KIF13A: variants seen among roughly 807,000 people sequenced by gnomAD.
KIF13A encodes the protein kinesin family member 13A, also known as kinesin-like protein KIF13A.
In KIF13A, 79 loss-of-function variants were observed where a neutral mutation model predicts 212.2. The ratio of observed to expected loss-of-function variants is 0.37; its 90% CI spans 0.31 to 0.45. KIF13A has a LOEUF of 0.45. Among genes scored for constraint, KIF13A ranks in the 20% least tolerant of loss-of-function variants. The pLI, the probability that KIF13A is intolerant of heterozygous loss-of-function variation, is 1.00. For synonymous variants in KIF13A, 789 were observed against 808.6 expected, an observed-to-expected ratio of 0.98 and a Z score of 0.41; for missense variants, 1,901 against 2,209.0, an observed-to-expected ratio of 0.86 and a Z score of 2.79.
chr6:17,898,038 T>C lies in KIF13A; in HGVS notation c.159+130A>G, dbSNP rs1329069071. The stretch of plus-strand genomic sequence containing the variant: ...TAACACTGATATTAATTGTTCATGA[T>C]GTGAGTTTTAAATTAGGATGCTGTT... On this transcript the variant is annotated intron_variant, in intron 3 of 38. Coordinates refer to ENST00000259711, the MANE Select transcript of KIF13A (RefSeq NM_022113.6). This position sits in a 1 kb window ranked among gnomAD's most constrained non-coding sequence, Gnocchi z 5.2. 2.7e-6 allele frequency: 2 copies of C among 752,282 alleles called. No individual in the cohort carries two copies. Among genetic ancestry groups the C allele is most frequent in the African/African-American group, 1.8e-5 (1 of 56,602 alleles). 46.6% of individuals were successfully genotyped at this position (752,282 alleles called of 1,614,324 possible). A position where few individuals can be genotyped will look rare whatever the true frequency, so the allele number is the denominator to read the frequency against.
intron 2 of KIF13A, among the ~76,000 whole-genome samples, chr6:17,959,028 C>T (rs138822711): frequency 6.6e-6 from 1 of 151,850 alleles, no homozygotes; most frequent in African/African-American, 2.4e-5. Flanking sequence ...AGTAGCCTCC[C>T]AAGTAATCAC....
At chr6:17,775,116 T>C (rs1581874968) in intron 34 of KIF13A, 54 bp from the exon 35 acceptor site, 22 of 1,345,406 alleles carry the variant, frequency 1.6e-5, no homozygotes, top group Non-Finnish European at 2.1e-5. Context: ...ATATAAGGGG[T>C]TTTTTTTATA....
downstream of KIF13A, chr6:17,760,046 A>C (rs1462125020): frequency 6.6e-6 from 1 of 152,284 alleles, no homozygotes; most frequent in Non-Finnish European, 1.5e-5. Flanking sequence ...GGCAGGTGGA[A>C]GACCAAAGAA....
chr6:17,907,658 T>C (rs188421639), intron 2 of KIF13A, among the ~76,000 whole-genome samples: 1 of 151,658 alleles, frequency 6.6e-6, no homozygotes, highest in Admixed American at 6.6e-5. Flanking sequence ...AAGAGGGGTA[T>C]AAATAAAGCC....
intron 2 of KIF13A, among the ~76,000 whole-genome samples, chr6:17,946,417 A>T (rs1777401470): frequency 6.6e-6 from 1 of 152,034 alleles, no homozygotes; most frequent in Non-Finnish European, 1.5e-5. Flanking sequence ...TATATAAGTA[A>T]CACCAAGGAA....
rs1363923270 is a variant in KIF13A at position 17,794,573 on chromosome 6, T to C, written c.3074A>G (p.Gln1025Arg). 6.2e-7 allele frequency: 1 copy of C among 1,604,858 alleles called. No individual in the cohort carries two copies. ...AAAAACCCAAAACAAACTCAGTACC[T>C]GTCTAAGTTGAAAGATGCCTCCTGT... ...VNTGGIFQLR[Q>R]GHSRRVQVTV... The change falls in exon 24 of 39, where the codon CAG becomes CGG. Residue 1025 changes from glutamine to arginine, a missense_variant and splice_region_variant. Transcript: ENST00000259711. The surrounding 1 kb of genome is among the most constrained non-coding windows in gnomAD (Gnocchi z 4.1).
chr6:17,974,528 C>CA, intron 2 of KIF13A, among the ~76,000 whole-genome samples: 1 of 152,348 alleles, frequency 6.6e-6, no homozygotes, highest in East Asian at 1.9e-4. Flanking sequence ...AAAGACACGT[C>CA]ATATGTACTT....
intron 25 of KIF13A, 132 bp from the exon 26 acceptor site, chr6:17,790,042 T>C (rs1761400231): frequency 9.3e-6 from 6 of 642,196 alleles, no homozygotes; most frequent in South Asian, 8.5e-5. Flanking sequence ...AAACACTAAA[T>C]TGAATCTCAA....
chr6:17,918,743 TG>T lies in KIF13A; in HGVS notation c.147-20564del, dbSNP rs1447377088. Among the ~76,000 whole-genome samples the T allele has an allele frequency of 6.6e-6, 1 of 151,898 alleles. No homozygotes were observed. The highest frequency in any genetic ancestry group is 1.5e-5 in the Non-Finnish European group (1 of 67,970). ...CTCCAGGGCTTGCTCCTCAGAGGAG[TG>T]TTCCCCGTACTCCCTACATTAATGT... On this transcript the variant is annotated intron_variant, in intron 2 of 38. Transcript: ENST00000259711. This position sits in a 1 kb window ranked among gnomAD's most constrained non-coding sequence, Gnocchi z 4.8.
At chr6:17,956,713 C>T (rs1276629599) in intron 2 of KIF13A, among the ~76,000 whole-genome samples, 1 of 152,082 alleles carries the variant, frequency 6.6e-6, no homozygotes, top group African/African-American at 2.4e-5. Flanking sequence ...CTTCTCCTGT[C>T]CTCTAATCTG....
chr6:17,945,933 T>G (rs982161039), intron 2 of KIF13A, among the ~76,000 whole-genome samples: 1 of 152,174 alleles, frequency 6.6e-6, no homozygotes. Flanking sequence ...GGCTGGACTA[T>G]TCAATAAATA....
At chr6:17,881,130 T>G (rs940251451) in intron 3 of KIF13A, among the ~76,000 whole-genome samples, 1 of 152,262 alleles carries the variant, frequency 6.6e-6, no homozygotes, top group Admixed American at 6.5e-5. Context: ...TGACTCCACC[T>G]TCTCAGAATC....
chr6:17,869,019 A>AAAAAAC (rs1554187445), intron 4 of KIF13A, among the ~76,000 whole-genome samples: 14 of 126,534 alleles, frequency 1.1e-4, no homozygotes, highest in South Asian at 6.1e-4. Flanking sequence ...AAAAAAAAAA[A>AAAAAAC]ACACAAATAA....
chr6:17,816,565 G>A lies in KIF13A; in HGVS notation c.2000+455C>T, dbSNP rs1581401471. On this transcript the variant is annotated intron_variant, in intron 17 of 38. Transcript: ENST00000259711. This position sits in a 1 kb window ranked among gnomAD's most constrained non-coding sequence, Gnocchi z 4.3. ...ACTCCTGGGCTTAAGTGATCCTCCC[G>A]CCTCAGCCTCCCCAAGTGCTAGGAT... Among the ~76,000 whole-genome samples the A allele has an allele frequency of 6.6e-6, 1 of 152,022 alleles. No homozygotes were observed. Among genetic ancestry groups the A allele is most frequent in the Admixed American group, 6.6e-5 (1 of 15,242 alleles).
intron 7 of KIF13A, among the ~76,000 whole-genome samples, chr6:17,851,353 G>C (rs1015689355): frequency 3.9e-5 from 6 of 152,212 alleles, no homozygotes; most frequent in African/African-American, 1.4e-4. Context: ...AGTAAGTGCA[G>C]GGATTTGCTT....
chr6:17,789,922 A>G lies in KIF13A; in HGVS notation c.3223-12T>C. On this transcript the variant is annotated splice_polypyrimidine_tract_variant and intron_variant, in intron 25 of 38. Transcript: ENST00000259711. The surrounding 1 kb of genome is among the most constrained non-coding windows in gnomAD (Gnocchi z 4.8). ...TCCTCATCATCTCTCTGGTAGGAAAAAATAAACACAAAGGACAAGCATTTT... is the reference window on the plus strand; with the variant it reads ...TCCTCATCATCTCTCTGGTAGGAAAGAATAAACACAAAGGACAAGCATTTT... 1 of 1,610,492 alleles carries G rather than the reference A, an allele frequency of 6.2e-7. No individual in the cohort carries two copies. The highest frequency in any genetic ancestry group is 8.5e-7 in the Non-Finnish European group (1 of 1,177,092).
rs1764216659 is a variant in KIF13A at position 17,819,167 on chromosome 6, T to C, written c.1787-1934A>G. Among the ~76,000 whole-genome samples, 4 of 151,748 alleles carry C rather than the reference T, an allele frequency of 2.6e-5. No homozygotes were observed. In the South Asian group the frequency reaches 8.4e-4, roughly 32 times the overall value. On this transcript the variant is annotated intron_variant, in intron 16 of 38. Coordinates refer to ENST00000259711, the MANE Select transcript of KIF13A (RefSeq NM_022113.6). ...GGTGCCCACCACCACGCCAGGCTAA[T>C]TTTTTGTATTTTTAGTAGAGATGGG...
At chr6:17,880,085 A>G (rs1770917860) in intron 3 of KIF13A, among the ~76,000 whole-genome samples, 1 of 152,138 alleles carries the variant, frequency 6.6e-6, no homozygotes, top group Admixed American at 6.5e-5. Flanking sequence ...TCCCAAGAGT[A>G]GCTGGGACTA....
At position 17,915,954 on chromosome 6, in the gene KIF13A, TA is replaced by T. The variant is rs1460946503; in HGVS notation, c.147-17775del. Among the ~76,000 whole-genome samples, 304 of 124,982 alleles carry T rather than the reference TA, an allele frequency of 2.4e-3. 3 individuals are homozygous for T. The highest frequency in any genetic ancestry group is 9.6e-3 in the African/African-American group (292 of 30,390). 82.0% of individuals were successfully genotyped at this position (124,982 alleles called of 152,430 possible). A position where few individuals can be genotyped will look rare whatever the true frequency, so the allele number is the denominator to read the frequency against. ...CCAGTCTCAAAAAAAAAAATAAAAA[TA>T]AAAATAAAATAAAATAAAATAAATT... On this transcript the variant is annotated intron_variant, in intron 2 of 38. Transcript: ENST00000259711. This position sits in a 1 kb window ranked among gnomAD's most constrained non-coding sequence, Gnocchi z 4.4.
Sources: allele counts gnomAD v4.1 joint callset (sites outside exome capture counted in the v4.1 genomes callset), GRCh38; gene constraint gnomAD v4.1.1; non-coding constraint Gnocchi (gnomAD v3.1); transcripts MANE v1.5; gene names NCBI Gene and HGNC (gene_info 2026-07-23, HGNC 2026-07-21).